Variants in ITGB3BP observed in about 807,000 individuals in gnomAD.
The protein encoded by ITGB3BP is centromere protein R.
A neutral mutation model predicts 29.1 loss-of-function variants in ITGB3BP; 27 were observed. That is an observed-to-expected ratio of 0.93 (90% CI 0.68 to 1.28). The LOEUF is 1.28. Among genes scored for constraint, ITGB3BP ranks in the 50% most tolerant of loss-of-function variants. The pLI is 0.00. For missense variants in ITGB3BP, 192 were observed against 200.2 expected (o/e 0.96, Z 0.25); for synonymous variants, 61 against 61.4 (o/e 0.99, Z 0.03).
chr1:63,448,128 A>G (rs1644811710), intron 7 of ITGB3BP, among the ~76,000 whole-genome samples: 1 of 136,652 alleles, frequency 7.3e-6, no homozygotes, highest in Non-Finnish European at 1.5e-5. Context: ...GAATTGAACA[A>G]TGAGAACACA....
Position 63,504,682 on chromosome 1 carries a change from T to C in ITGB3BP, c.48+3846A>G, listed in dbSNP as rs1479684336. Among the ~76,000 whole-genome samples the C allele has an allele frequency of 7.2e-5, 11 of 152,344 alleles. No individual in the cohort carries two copies. In the East Asian group the frequency reaches 1.7e-3, roughly 24 times the overall value. ...ATAGCTCTTATTATTTTGAGATACG[T>C]CCCATCGATACCTAATTTATTGAGA... On this transcript the variant is annotated intron_variant, in intron 2 of 8. Coordinates refer to ENST00000271002, the MANE Select transcript of ITGB3BP (RefSeq NM_014288.5).
At chr1:63,522,995 A>G in intron 1 of ITGB3BP, 134 bp downstream of exon 1, 1 of 995,436 alleles carries the variant, frequency 1.0e-6, no homozygotes, top group Non-Finnish European at 1.6e-6. Flanking sequence ...AGCGAAGGGA[A>G]TTGCCTGTGG....
chr1:63,465,658 G>C (rs973507146), intron 4 of ITGB3BP, among the ~76,000 whole-genome samples: 5 of 151,972 alleles, frequency 3.3e-5, no homozygotes. Flanking sequence ...CCAAAGTGCT[G>C]GGATTATAGG....
intron 2 of ITGB3BP, among the ~76,000 whole-genome samples, chr1:63,499,360 A>G (rs1425944594): frequency 6.6e-6 from 1 of 152,026 alleles, no homozygotes; most frequent in East Asian, 1.9e-4. Flanking sequence ...CATGTTGGTC[A>G]GGCTGGTCTC....
chr1:63,452,614 T>C (rs1458682630), intron 7 of ITGB3BP, among the ~76,000 whole-genome samples: 1 of 85,896 alleles, frequency 1.2e-5, no homozygotes, highest in Non-Finnish European at 2.2e-5. Flanking sequence ...AATTTTTCTT[T>C]TTTCTTTTTC....
At chr1:63,452,718 G>A (rs1644879520) in intron 7 of ITGB3BP, among the ~76,000 whole-genome samples, 1 of 151,532 alleles carries the variant, frequency 6.6e-6, no homozygotes, top group Admixed American at 6.6e-5. Flanking sequence ...CACAGTAGAC[G>A]TTAGTTGTTC....
chr1:63,491,727 T>C (rs924283119), intron 2 of ITGB3BP, among the ~76,000 whole-genome samples: 1 of 152,206 alleles, frequency 6.6e-6, no homozygotes, highest in Non-Finnish European at 1.5e-5. Flanking sequence ...TTAATTATAT[T>C]GAGAAATGAA....
At chr1:63,466,389 C>T (rs1302331412) in intron 4 of ITGB3BP, among the ~76,000 whole-genome samples, 1 of 150,282 alleles carries the variant, frequency 6.7e-6, no homozygotes, top group Non-Finnish European at 1.5e-5. Flanking sequence ...CATCCTCCCC[C>T]GACCCTACAC....
chr1:63,477,978 T>G (rs1645370251), intron 4 of ITGB3BP, among the ~76,000 whole-genome samples: 1 of 152,202 alleles, frequency 6.6e-6, no homozygotes, highest in African/African-American at 2.4e-5. Flanking sequence ...CCATGGAGGC[T>G]CAAGTCTCCT....
intron 3 of ITGB3BP, among the ~76,000 whole-genome samples, chr1:63,487,562 A>C (rs1298486882): frequency 1.3e-5 from 2 of 152,058 alleles, no homozygotes; most frequent in Non-Finnish European, 2.9e-5. Context: ...CACCTAGTGT[A>C]TAGCCTATTG....
At chr1:63,508,453 T>G (rs1273110838) in intron 2 of ITGB3BP, 75 bp downstream of exon 2, 2 of 676,454 alleles carry the variant, frequency 3.0e-6, no homozygotes, top group Non-Finnish European at 5.1e-6. Context: ...ATTTTAATAT[T>G]TAACGAGATA....
In ITGB3BP at chr1:63,454,960, A is replaced by G. The variant is rs1479404726; in HGVS notation, c.263T>C (p.Met88Thr). ...CAATTTCTCAACTTTTGATAGCAAC[A>G]TCATGAATCTAGTAATAAAGAAAAA... Reference protein sequence around the residue: ...STTKDNDEFMMLLSKVEKLSE... With the variant: ...STTKDNDEFMTLLSKVEKLSE... Residue 88 changes from methionine to threonine, a missense_variant, in exon 5 of 9, where the codon ATG (methionine) becomes ACG (threonine). Transcript: ENST00000271002. The surrounding 1 kb of genome is among the most constrained non-coding windows in gnomAD (Gnocchi z 4.1). The G allele has an allele frequency of 6.6e-7, 1 of 1,510,428 alleles. No homozygotes were observed. The highest frequency in any genetic ancestry group is 9.2e-7 in the Non-Finnish European group (1 of 1,087,340). The allele number at this position is 1,510,428 out of a possible 1,614,324, so 93.6% of individuals were successfully genotyped here.
chr1:63,462,930 G>A (rs183023151), intron 4 of ITGB3BP, among the ~76,000 whole-genome samples: 1 of 152,126 alleles, frequency 6.6e-6, no homozygotes, highest in African/African-American at 2.4e-5. Context: ...TTACTCTTCT[G>A]CCTGTAAGAG....
intron 4 of ITGB3BP, among the ~76,000 whole-genome samples, chr1:63,463,417 G>A (rs1199135643): frequency 6.6e-6 from 1 of 152,088 alleles, no homozygotes; most frequent in Non-Finnish European, 1.5e-5. Flanking sequence ...CAGGAAATAT[G>A]AATAAGATCA....
intron 8 of ITGB3BP, among the ~76,000 whole-genome samples, chr1:63,446,393 A>G (rs373335527): frequency 1.3e-5 from 2 of 152,228 alleles, no homozygotes; most frequent in African/African-American, 4.8e-5. Flanking sequence ...TACTTAATTT[A>G]GCACATTTCC....
chr1:63,454,810 C>A lies in ITGB3BP; in HGVS notation c.333+80G>T. 3.2e-6 allele frequency: 2 copies of A among 632,564 alleles called. No individual in the cohort carries two copies. The highest frequency in any genetic ancestry group is 2.7e-6 in the Non-Finnish European group (1 of 373,748). The allele number at this position is 632,564 out of a possible 1,614,324, so 39.2% of individuals were successfully genotyped here. A position where few individuals can be genotyped will look rare whatever the true frequency, so the allele number is the denominator to read the frequency against. Reference sequence around the variant, plus strand: ...AAACATACTCTATGCAAACTCTTTCCTGGATTGGATTCTCCAATCTGGGAC... The same window carrying A: ...AAACATACTCTATGCAAACTCTTTCATGGATTGGATTCTCCAATCTGGGAC... On this transcript the variant is annotated intron_variant, in intron 5 of 8. Transcript: ENST00000271002. This position sits in a 1 kb window ranked among gnomAD's most constrained non-coding sequence, Gnocchi z 4.1.
intron 4 of ITGB3BP, among the ~76,000 whole-genome samples, chr1:63,476,013 A>C (rs1645332570): frequency 6.6e-6 from 1 of 150,776 alleles, no homozygotes; most frequent in Non-Finnish European, 1.5e-5. Context: ...AAAAAAAAAA[A>C]AGAAACGTAT....
chr1:63,500,247 G>A (rs1269055192), intron 2 of ITGB3BP, among the ~76,000 whole-genome samples: 1 of 152,120 alleles, frequency 6.6e-6, no homozygotes. Flanking sequence ...GCGTGGTTGT[G>A]TGCACCTGTA....
chr1:63,468,724 G>A (rs992313866), intron 4 of ITGB3BP, among the ~76,000 whole-genome samples: 4 of 152,106 alleles, frequency 2.6e-5, no homozygotes, highest in Admixed American at 6.5e-5. Flanking sequence ...AGCCAGGCGT[G>A]GTTGCGCATG....
Sources: allele counts gnomAD v4.1 joint callset (sites outside exome capture counted in the v4.1 genomes callset), GRCh38; gene constraint gnomAD v4.1.1; non-coding constraint Gnocchi (gnomAD v3.1); transcripts MANE v1.5; gene names NCBI Gene and HGNC (gene_info 2026-07-23, HGNC 2026-07-21).